The following ANO3 variants were observed in gnomAD, a reference collection of about 807,000 sequenced individuals.
ANO3 encodes anoctamin-3.
Under a neutral mutation model 144.8 loss-of-function variants are expected in ANO3, and 99 were observed. The ratio of observed to expected loss-of-function variants is 0.68; its 90% CI spans 0.58 to 0.81. The LOEUF is 0.81. Among genes scored for constraint, ANO3 ranks in the 30% least tolerant of loss-of-function variants. The pLI is 0.00. For missense variants in ANO3, 905 were observed against 1,202.2 expected (o/e 0.75, Z 3.66); for synonymous variants, 414 against 392.6 (o/e 1.05, Z -0.64).
In ANO3 at chr11:26,607,270, A is replaced by G. The variant is rs577765991; in HGVS notation, c.1836+7556A>G. ...CCTTAATATTTTTTCCTTCATTTCG[A>G]CCTTGGAGAATCTGATAACTATGTG... On this transcript the variant is annotated intron_variant, in intron 17 of 26. Coordinates refer to ENST00000256737, the MANE Select transcript of ANO3 (RefSeq NM_031418.4). Among the ~76,000 whole-genome samples, 800 of 152,188 alleles carry G rather than the reference A, an allele frequency of 5.3e-3. 12 individuals are homozygous for G. The highest frequency in any genetic ancestry group is 0.018 in the African/African-American group (753 of 41,516).
At chr11:26,599,742 T>A in intron 17 of ANO3, 28 bp downstream of exon 17, 1 of 1,593,842 alleles carries the variant, frequency 6.3e-7, no homozygotes. Flanking sequence ...TATTCTTCAG[T>A]AGACAAAAAA....
rs1331356477 is a variant in ANO3, at chr11:26,663,243, A to G, written c.*2799A>G. The G allele has an allele frequency of 6.6e-6, 1 of 152,096 alleles. No homozygotes were observed. The highest frequency in any genetic ancestry group is 2.4e-5 in the African/African-American group (1 of 41,438). The allele number at this position is 152,096 out of a possible 1,614,324, so 9.4% of individuals were successfully genotyped here. A position where few individuals can be genotyped will look rare whatever the true frequency, so the allele number is the denominator to read the frequency against. ...TTAGCACAATCTATTGTATGATGGA[A>G]TGAATAGAAAACTTTTTCACTCAAT... On this transcript the variant is annotated 3_prime_UTR_variant, in exon 27 of 27. Coordinates refer to ENST00000256737, the MANE Select transcript of ANO3 (RefSeq NM_031418.4).
At chr11:26,236,594 G>A (rs532393411) in intron 1 of ANO3, among the ~76,000 whole-genome samples, 6 of 152,178 alleles carry the variant, frequency 3.9e-5, no homozygotes, top group Non-Finnish European at 5.9e-5. Context: ...CAAGGTGGGC[G>A]GATCACGAGG....
rs117865191 is a variant in ANO3, at chr11:26,548,023, C to T, written c.1289+473C>T. Among the ~76,000 whole-genome samples the T allele has an allele frequency of 3.5e-3, 533 of 152,046 alleles. 1 individual carries two copies. Among genetic ancestry groups the T allele is most frequent in the Middle Eastern group, 0.017 (5 of 294 alleles). ...TTTGCACATGAGGGAACCTAATATA[C>T]TTAAAGATGTCTAAATAAAACAATT... On this transcript the variant is annotated intron_variant, in intron 12 of 26. Coordinates refer to ENST00000256737, the MANE Select transcript of ANO3 (RefSeq NM_031418.4).
chr11:26,250,293 C>T (rs1209260031), intron 1 of ANO3, among the ~76,000 whole-genome samples: 2 of 152,124 alleles, frequency 1.3e-5, no homozygotes, highest in African/African-American at 2.4e-5. Context: ...CTCTTTGTTC[C>T]ACCCATTTGC....
intron 1 of ANO3, among the ~76,000 whole-genome samples, chr11:26,292,983 C>T (rs529943373): frequency 6.6e-6 from 1 of 152,302 alleles, no homozygotes; most frequent in Admixed American, 6.5e-5. Context: ...GCAGAAATCA[C>T]CCATCTTCTG....
chr11:26,456,640 G>A (rs1361267102), intron 3 of ANO3, among the ~76,000 whole-genome samples: 2 of 107,490 alleles, frequency 1.9e-5, no homozygotes, highest in African/African-American at 8.2e-5. Context: ...CTGTAAACTA[G>A]TTCAACCATT....
At chr11:26,567,171 A>T (rs930096233) in intron 14 of ANO3, 5 of 1,307,996 alleles carry the variant, frequency 3.8e-6, no homozygotes, top group Admixed American at 3.2e-5. Context: ...ATTTAAAGCC[A>T]AGTCAACTGA....
intron 1 of ANO3, among the ~76,000 whole-genome samples, chr11:26,193,603 A>T (rs1858741629): frequency 6.6e-6 from 1 of 152,210 alleles, no homozygotes. Context: ...ATAGTCTCTG[A>T]AAATTCTACC....
intron 1 of ANO3, among the ~76,000 whole-genome samples, chr11:26,364,634 T>A (rs1489737194): frequency 6.6e-6 from 1 of 151,724 alleles, no homozygotes; most frequent in African/African-American, 2.4e-5. Context: ...AGAGAGAGAG[T>A]GGGGGTGGAG....
chr11:26,191,335 T>TACACAC (rs746463223), intron 1 of ANO3, among the ~76,000 whole-genome samples: 300 of 144,196 alleles, frequency 2.1e-3, no homozygotes, highest in Middle Eastern at 3.6e-3. Context: ...TATACACACA[T>TACACAC]ACACACACAC....
chr11:26,545,724 AAAAC>A (rs1012063189), intron 11 of ANO3, among the ~76,000 whole-genome samples: 3 of 150,336 alleles, frequency 2.0e-5, no homozygotes, highest in Non-Finnish European at 3.0e-5. Context: ...AAAAAAAAAA[AAAAC>A]AGATAAAAAC....
chr11:26,408,806 A>T (rs375309119), intron 1 of ANO3, among the ~76,000 whole-genome samples: 14 of 151,750 alleles, frequency 9.2e-5, no homozygotes, highest in South Asian at 2.1e-4. Context: ...TAAAAAATGA[A>T]GAGTTCATGT....
At chr11:26,547,675 T>G in intron 12 of ANO3, 125 bp downstream of exon 12, 1 of 997,180 alleles carries the variant, frequency 1.0e-6, no homozygotes, top group South Asian at 1.7e-5. Context: ...TATTTGCTAT[T>G]TCTGTTTTTT....
At chr11:26,447,080 G>A (rs932253407) in intron 3 of ANO3, among the ~76,000 whole-genome samples, 4 of 151,740 alleles carry the variant, frequency 2.6e-5, no homozygotes, top group Admixed American at 6.6e-5. Flanking sequence ...ACGGTGGCAC[G>A]ACTGTAGTCC....
chr11:26,214,831 T>C (rs1299562015), intron 1 of ANO3, among the ~76,000 whole-genome samples: 2 of 151,956 alleles, frequency 1.3e-5, no homozygotes, highest in Non-Finnish European at 2.9e-5. Flanking sequence ...ATACACCCCA[T>C]TACTTTTAGT....
intron 8 of ANO3, among the ~76,000 whole-genome samples, chr11:26,533,088 A>T (rs145008747): frequency 6.6e-6 from 1 of 152,210 alleles, no homozygotes; most frequent in African/African-American, 2.4e-5. Context: ...AGAATACTGG[A>T]GGAATTCAGA....
intron 14 of ANO3, among the ~76,000 whole-genome samples, chr11:26,596,474 G>A (rs112323822): frequency 0.011 from 1,633 of 152,250 alleles, 10 homozygotes; most frequent in Non-Finnish European, 0.018. Flanking sequence ...GGCAAGGGTG[G>A]TGGGGAACGG....
chr11:26,563,064 T>C, intron 14 of ANO3: 1 of 1,588,904 alleles, frequency 6.3e-7, no homozygotes, highest in South Asian at 1.1e-5. Context: ...ATTGGCATCC[T>C]CATTTAATTA....
Sources: allele counts gnomAD v4.1 joint callset (sites outside exome capture counted in the v4.1 genomes callset), GRCh38; gene constraint gnomAD v4.1.1; transcripts MANE v1.5; gene names NCBI Gene and HGNC (gene_info 2026-07-23, HGNC 2026-07-21).